The following SRGAP3 variants were observed in gnomAD, a reference collection of about 807,000 sequenced individuals.
The protein encoded by SRGAP3 is SLIT-ROBO Rho GTPase activating protein 3.
SRGAP3 carries 39 observed loss-of-function variants against 121.1 expected under a neutral mutation model. The ratio of observed to expected loss-of-function variants is 0.32; its 90% confidence interval spans 0.25 to 0.42. The LOEUF is 0.42. Ranked by LOEUF, SRGAP3 falls within the 10% of genes least tolerant of loss-of-function variation. The pLI, the probability that SRGAP3 is intolerant of heterozygous loss-of-function variation, is 1.00. For missense variants in SRGAP3, 1,213 were observed against 1,470.6 expected (o/e 0.82, Z 2.86); for synonymous variants, 601 against 570.0 (o/e 1.05, Z -0.77).
At chr3:9,251,600 G>A (rs1295946646), upstream of SRGAP3, among the ~76,000 whole-genome samples, 1 of 152,182 alleles carries the variant, frequency 6.6e-6, no homozygotes, top group African/African-American at 2.4e-5. Context: ...ACCTGCTTGT[G>A]TGCCCACTGG....
At chr3:9,206,691 A>G (rs1952277414) in intron 1 of SRGAP3, among the ~76,000 whole-genome samples, 1 of 151,934 alleles carries the variant, frequency 6.6e-6, no homozygotes, top group Non-Finnish European at 1.5e-5. Flanking sequence ...CTCACCCTTC[A>G]TTCAGGTCTT....
rs996452262 is a variant in SRGAP3, at chr3:8,983,865, A to G, written c.*1654T>C. On this transcript the variant is annotated 3_prime_UTR_variant, in exon 22 of 22. Transcript: ENST00000383836. ...CTAAGTGCTCAGGGCTGGGACTCAG[A>G]CTCTGGGCCTTTTGACTCCAAACTT... 4.4e-6 allele frequency: 1 copy of G among 229,696 alleles called. No homozygotes were observed. Among genetic ancestry groups the G allele is most frequent in the Non-Finnish European group, 8.6e-6 (1 of 115,942 alleles). 14.2% of individuals were successfully genotyped at this position (229,696 alleles called of 1,614,324 possible).
At chr3:9,257,320 CT>C (rs1199071225) in intron 3 of SRGAP3, 2 of 150,792 alleles carry the variant, frequency 1.3e-5, no homozygotes, top group Non-Finnish European at 3.0e-5. Flanking sequence ...GATTAGTGCC[CT>C]TTGAAGGAAG....
chr3:8,996,700 G>A (rs764399881), intron 18 of SRGAP3, among the ~76,000 whole-genome samples: 1 of 152,140 alleles, frequency 6.6e-6, no homozygotes, highest in Non-Finnish European at 1.5e-5. Context: ...TCTCACATCC[G>A]GCCGTGTGCT....
At chr3:9,034,106 G>C (rs1412495216) in intron 11 of SRGAP3, 1 of 152,206 alleles carries the variant, frequency 6.6e-6, no homozygotes, top group Non-Finnish European at 1.5e-5. Context: ...CACTGGACCC[G>C]TTTCCAGAAT....
At position 8,985,358 on chromosome 3, in the gene SRGAP3, T is replaced by C. The variant is rs115133120; in HGVS notation, c.*161A>G. On this transcript the variant is annotated 3_prime_UTR_variant, in exon 22 of 22. Transcript: ENST00000383836. The surrounding 1 kb of genome is among the most constrained non-coding windows in gnomAD (Gnocchi z 5.1). ...GGGATTCCCATGGCTGGACGTGAGC[T>C]GCAGCCAGCGCCCGGGCCTCAGCTC... 2.1e-3 allele frequency: 2,914 copies of C among 1,406,016 alleles called. 46 individuals carry two copies. In the African/African-American group the frequency reaches 0.038, roughly 18 times the overall value. The allele number at this position is 1,406,016 out of a possible 1,614,324, so 87.1% of individuals were successfully genotyped here.
At chr3:9,236,587 C>CTCG (rs1207776006) in intron 1 of SRGAP3, among the ~76,000 whole-genome samples, 2 of 151,890 alleles carry the variant, frequency 1.3e-5, no homozygotes, top group African/African-American at 4.8e-5. Flanking sequence ...CTTCCCCCCC[C>CTCG]CTCTTCTTCC....
intron 1 of SRGAP3, among the ~76,000 whole-genome samples, chr3:9,334,164 T>A (rs1357030860): frequency 6.6e-6 from 1 of 152,180 alleles, no homozygotes; most frequent in Non-Finnish European, 1.5e-5. Context: ...ATTTTGTTTT[T>A]GCAACTTCCT....
intron 11 of SRGAP3, 94 bp from the exon 12 acceptor site, chr3:9,032,846 C>T (rs1944559924): frequency 8.6e-7 from 1 of 1,156,420 alleles, no homozygotes. Flanking sequence ...TAAAGGGGAA[C>T]ACAAAATGTA....
At chr3:9,061,230 CTCAA>C (rs1046738202) in intron 5 of SRGAP3, among the ~76,000 whole-genome samples, 4 of 152,130 alleles carry the variant, frequency 2.6e-5, no homozygotes, top group Non-Finnish European at 2.9e-5. Flanking sequence ...GAGACTCCGT[CTCAA>C]TCAATCAATC....
Position 9,271,908 on chromosome 3 carries a change from G to A in SRGAP3, n.442+54102C>T, listed in dbSNP as rs548241402. Reference sequence around the variant, plus strand: ...ATCACAACAGAAGATAATGTGCATGGAAGGTCTGAGACCTGCTCCATTCTG... The same window carrying A: ...ATCACAACAGAAGATAATGTGCATGAAAGGTCTGAGACCTGCTCCATTCTG... On this transcript the variant is annotated intron_variant and non_coding_transcript_variant, in intron 3 of 3. Coordinates refer to the SRGAP3 transcript ENST00000490889. Among the ~76,000 whole-genome samples, 30 of 152,300 alleles carry A rather than the reference G, an allele frequency of 2.0e-4. 1 individual carries two copies. The South Asian group carries it at 5.4e-3, about 27-fold the overall frequency.
rs144173129 is a variant in SRGAP3, at chr3:9,046,023, T to C, written c.1408+1368A>G. The stretch of plus-strand genomic sequence containing the variant: ...TACCCAAACTCCTCCACACCCCCTT[T>C]ACCCGCTGGCCCAATACTGAAATGT... On this transcript the variant is annotated intron_variant, in intron 10 of 21. Transcript: ENST00000383836. Among the ~76,000 whole-genome samples the C allele has an allele frequency of 2.0e-5, 3 of 152,190 alleles. No individual in the cohort carries two copies. In the East Asian group the frequency reaches 5.8e-4, roughly 29 times the overall value.
chr3:9,168,469 T>C (rs1175621244), intron 1 of SRGAP3, among the ~76,000 whole-genome samples: 1 of 152,220 alleles, frequency 6.6e-6, no homozygotes, highest in African/African-American at 2.4e-5. Context: ...GCCCAGCACA[T>C]CACGCATGAG....
chr3:9,228,789 C>T (rs1438952325), intron 1 of SRGAP3, among the ~76,000 whole-genome samples: 1 of 152,134 alleles, frequency 6.6e-6, no homozygotes, highest in Non-Finnish European at 1.5e-5. Context: ...AGGCCGGGCG[C>T]GGTGGGCTCA....
Position 9,196,248 on chromosome 3 carries a change from C to A in SRGAP3, c.67+52637G>T, listed in dbSNP as rs143932725. Among the ~76,000 whole-genome samples, 356 of 152,316 alleles carry A rather than the reference C, an allele frequency of 2.3e-3. 2 individuals are homozygous for A. The highest frequency in any genetic ancestry group is 4.5e-3 in the Non-Finnish European group (306 of 68,034). On this transcript the variant is annotated intron_variant, in intron 1 of 21. Transcript: ENST00000383836. ...GAGACAAGCCATGAGCCCTGGGGAC[C>A]ACCCATTAAGGACTGCCAAAGTTGG... is the stretch of plus-strand genomic sequence containing the variant.
At chr3:9,236,334 G>A (rs534592695) in intron 1 of SRGAP3, 6 of 164,566 alleles carry the variant, frequency 3.6e-5, no homozygotes, top group South Asian at 4.1e-4. Context: ...CACTGTCCCA[G>A]TACTTACTAC....
chr3:9,130,938 CCCAGGCTGGGCTGT>C (rs1949421690), intron 1 of SRGAP3, among the ~76,000 whole-genome samples: 1 of 152,212 alleles, frequency 6.6e-6, no homozygotes, highest in Non-Finnish European at 1.5e-5. Context: ...GCTGGAGCCT[CCCAGGCTGGGCTGT>C]GCATGGAACC....
chr3:8,994,897 T>G (rs542886212), intron 18 of SRGAP3, among the ~76,000 whole-genome samples: 3 of 152,228 alleles, frequency 2.0e-5, no homozygotes, highest in Non-Finnish European at 4.4e-5. Context: ...ACCCTTTTCC[T>G]CTTTGTCATT....
intron 7 of SRGAP3, among the ~76,000 whole-genome samples, chr3:9,058,045 C>G (rs1441617481): frequency 3.3e-5 from 5 of 152,156 alleles, no homozygotes; most frequent in African/African-American, 1.2e-4. Context: ...AAGCCAAGGT[C>G]CTGTAATTCT....
Sources: allele counts gnomAD v4.1 joint callset (sites outside exome capture counted in the v4.1 genomes callset), GRCh38; gene constraint gnomAD v4.1.1; non-coding constraint Gnocchi (gnomAD v3.1); transcripts MANE v1.5; gene names NCBI Gene and HGNC (gene_info 2026-07-23, HGNC 2026-07-21).